Variants in AKAP6 observed in about 807,000 individuals in gnomAD.
AKAP6 encodes the protein A-kinase anchoring protein 6, also known as A-kinase anchor protein 6.
In AKAP6, 58 loss-of-function variants were observed where a neutral mutation model predicts 188.5. The ratio of observed to expected loss-of-function variants is 0.31; its 90% confidence interval spans 0.25 to 0.38. The LOEUF (loss-of-function observed/expected upper bound fraction) is 0.38, where lower values mean the gene tolerates loss of function less well. AKAP6 is among the 10% of genes least tolerant of loss of function. The probability of loss-of-function intolerance (pLI) is 1.00; values close to 1 mark genes in which losing one functional copy is unlikely to be tolerated. For synonymous variants in AKAP6, 989 were observed against 998.6 expected (o/e 0.99, Z 0.18); for missense variants, 2,710 against 2,740.0 (o/e 0.99, Z 0.24).
chr14:32,816,273 G>C (rs1483517258), intron 12 of AKAP6, among the ~76,000 whole-genome samples: 1 of 152,088 alleles, frequency 6.6e-6, no homozygotes, highest in Admixed American at 6.6e-5. Flanking sequence ...GCTCACTGCA[G>C]TGTTGAACTC....
intron 12 of AKAP6, among the ~76,000 whole-genome samples, chr14:32,814,981 C>T (rs2034341436): frequency 6.6e-6 from 1 of 152,200 alleles, no homozygotes; most frequent in Non-Finnish European, 1.5e-5. Flanking sequence ...AGTCAGAGTA[C>T]CTGTCCTCAT....
chr14:32,716,458 A>G (rs181335446), intron 9 of AKAP6, among the ~76,000 whole-genome samples: 28 of 151,304 alleles, frequency 1.9e-4, no homozygotes, highest in African/African-American at 6.0e-4. Context: ...CCACAATTAC[A>G]TTTAGTATAT....
At position 32,824,755 on chromosome 14, in the gene AKAP6, T is replaced by G; in HGVS notation, c.6942T>G (p.His2314Gln). Residue 2314 changes from histidine (H) to glutamine (Q), a missense_variant, in exon 13 of 14, where the codon CAT (histidine) becomes CAG (glutamine). Physicochemically the swap from His to Gln is conservative, Grantham distance 24. Transcript: ENST00000280979. ...ENLLNLHEKR[H>Q]RNMHR ...TTCTAAACCTTCATGAAAAACGACATAGAAATATGCATAGGTAGAATGTAC... is the reference window on the plus strand; with the variant it reads ...TTCTAAACCTTCATGAAAAACGACAGAGAAATATGCATAGGTAGAATGTAC... The G allele has an allele frequency of 1.2e-6, 2 of 1,612,466 alleles. No homozygotes were observed. The highest frequency in any genetic ancestry group is 2.2e-5 in the South Asian group (2 of 90,832).
chr14:32,737,877 G>A (rs897912779), intron 11 of AKAP6, among the ~76,000 whole-genome samples: 1 of 152,132 alleles, frequency 6.6e-6, no homozygotes, highest in Non-Finnish European at 1.5e-5. Flanking sequence ...CTAATAGATT[G>A]GTCTGGGATG....
At chr14:32,398,800 CTCT>C (rs1888968172) in intron 1 of AKAP6, among the ~76,000 whole-genome samples, 1 of 140,748 alleles carries the variant, frequency 7.1e-6, no homozygotes, top group African/African-American at 2.6e-5. Context: ...CTCTCTCTCT[CTCT>C]CCCCCTCCCC....
At chr14:32,516,533 A>C (rs1881529647) in intron 2 of AKAP6, among the ~76,000 whole-genome samples, 1 of 152,206 alleles carries the variant, frequency 6.6e-6, no homozygotes, top group South Asian at 2.1e-4. Context: ...CTTTCGCTTC[A>C]GTACCAGTAC....
At chr14:32,584,762 T>C (rs915120851) in intron 5 of AKAP6, among the ~76,000 whole-genome samples, 1 of 152,240 alleles carries the variant, frequency 6.6e-6, no homozygotes, top group Non-Finnish European at 1.5e-5. Flanking sequence ...TTTCGGTCTG[T>C]CTTCTTACAT....
At chr14:32,820,269 A>C (rs2034486390) in intron 12 of AKAP6, among the ~76,000 whole-genome samples, 1 of 151,978 alleles carries the variant, frequency 6.6e-6, no homozygotes, top group Admixed American at 6.6e-5. Context: ...TGAGCCCATC[A>C]AGTTCTGCAC....
chr14:32,438,839 G>A (rs1164870793), intron 2 of AKAP6: 1 of 152,174 alleles, frequency 6.6e-6, no homozygotes, highest in South Asian at 2.1e-4. Context: ...AATGTATTTG[G>A]TTGCTAAAAA....
intron 2 of AKAP6, chr14:32,473,833 T>A (rs761698148): frequency 2.0e-5 from 3 of 152,292 alleles, no homozygotes; most frequent in Non-Finnish European, 4.4e-5. Flanking sequence ...TACACTTCCT[T>A]GACACCTCAT....
At chr14:32,346,460 C>T (rs949753066) in intron 1 of AKAP6, among the ~76,000 whole-genome samples, 2 of 152,184 alleles carry the variant, frequency 1.3e-5, no homozygotes, top group African/African-American at 4.8e-5. Context: ...TGTAACTTCC[C>T]AAAAACTCTG....
intron 12 of AKAP6, among the ~76,000 whole-genome samples, chr14:32,781,320 C>G (rs965439678): frequency 2.0e-5 from 3 of 150,802 alleles, no homozygotes; most frequent in Non-Finnish European, 4.4e-5. Flanking sequence ...TGCACTCCAG[C>G]CTGGGCAACA....
intron 12 of AKAP6, among the ~76,000 whole-genome samples, chr14:32,776,365 C>T (rs1357687524): frequency 6.6e-6 from 1 of 152,166 alleles, no homozygotes; most frequent in Non-Finnish European, 1.5e-5. Context: ...GGGGAAACCC[C>T]TTTCACTTGG....
At chr14:32,429,699 T>G (rs1459239489) in intron 1 of AKAP6, among the ~76,000 whole-genome samples, 1 of 152,238 alleles carries the variant, frequency 6.6e-6, no homozygotes, top group African/African-American at 2.4e-5. Context: ...GAAATGAAAC[T>G]TGAGTAAAGC....
At chr14:32,571,085 G>A (rs1884461743) in intron 4 of AKAP6, among the ~76,000 whole-genome samples, 1 of 152,144 alleles carries the variant, frequency 6.6e-6, no homozygotes, top group African/African-American at 2.4e-5. Flanking sequence ...AGACTTAAAT[G>A]ATCTACTTGT....
At chr14:32,480,342 T>G (rs1370685585) in intron 2 of AKAP6, among the ~76,000 whole-genome samples, 1 of 152,208 alleles carries the variant, frequency 6.6e-6, no homozygotes, top group African/African-American at 2.4e-5. Context: ...AATTCTCTAA[T>G]GTGGGATCTT....
At chr14:32,421,947 T>A (rs1889863503) in intron 1 of AKAP6, among the ~76,000 whole-genome samples, 1 of 152,174 alleles carries the variant, frequency 6.6e-6, no homozygotes, top group Non-Finnish European at 1.5e-5. Context: ...AATTGAATCC[T>A]CCTGTTTTCA....
At chr14:32,474,391 C>T (rs542529497) in intron 2 of AKAP6, 10 of 152,298 alleles carry the variant, frequency 6.6e-5, no homozygotes, top group East Asian at 5.8e-4. Flanking sequence ...TTCCATCCAA[C>T]GTAGAATAAG....
Position 32,569,209 on chromosome 14 carries a change from G to T in AKAP6, c.2347-7911G>T, listed in dbSNP as rs1381654155. Among the ~76,000 whole-genome samples, 9 of 152,060 alleles carry T rather than the reference G, an allele frequency of 5.9e-5. No individual in the cohort carries two copies. In the East Asian group the frequency reaches 1.7e-3, roughly 29 times the overall value. ...TTTTGCTCTTTCTTTCCCACTGACA[G>T]TTTTTACCTTTATTCTGGAACAATT... is the stretch of plus-strand genomic sequence containing the variant. On this transcript the variant is annotated intron_variant, in intron 4 of 13. Transcript: ENST00000280979.
Sources: allele counts gnomAD v4.1 joint callset (sites outside exome capture counted in the v4.1 genomes callset), GRCh38; gene constraint gnomAD v4.1.1; transcripts MANE v1.5; gene names NCBI Gene and HGNC (gene_info 2026-07-23, HGNC 2026-07-21).